Variants in RYR3 observed in about 807,000 individuals in gnomAD.
RYR3 encodes brain ryanodine receptor-calcium release channel.
In RYR3, 207 loss-of-function variants were observed where a neutral mutation model predicts 584.3. The observed-to-expected ratio is 0.35, with a 90% CI of 0.32 to 0.40. The LOEUF is 0.40. RYR3 is among the 10% of genes least tolerant of loss of function. RYR3 has a pLI of 1.00. For synonymous variants in RYR3, 2,416 were observed against 2,248.5 expected (o/e 1.07, Z -2.11); for missense variants, 5,616 against 6,089.2 (o/e 0.92, Z 2.59).
rs769516290 is a variant in RYR3, at chr15:33,837,652, T to C, written c.11672T>C (p.Ile3891Thr). ...ACAGGGAATGTGGTAAATGGCACCA[T>C]TGGCAAGCAGATGGTTGACACACTG... The part of the protein sequence containing the change: ...LLEGNVVNGT[I>T]GKQMVDTLVE... The change falls in exon 89 of 104, where the codon ATT (isoleucine) becomes ACT (threonine). Residue 3891 changes from isoleucine to threonine, a missense_variant. Ile to Thr is a moderately conservative substitution (Grantham distance 89). Coordinates refer to ENST00000634891, the MANE Select transcript of RYR3 (RefSeq NM_001036.6). 12 of 1,596,480 alleles carry C rather than the reference T, an allele frequency of 7.5e-6. No homozygotes were observed. The highest frequency in any genetic ancestry group is 5.4e-5 in the African/African-American group (4 of 74,492).
intron 102 of RYR3, among the ~76,000 whole-genome samples, chr15:33,862,298 C>T (rs1407647856): frequency 1.3e-5 from 2 of 152,166 alleles, no homozygotes; most frequent in East Asian, 1.9e-4. Context: ...CTGCAACCTC[C>T]ACCTCCCAGG....
At chr15:33,861,627 T>C (rs117167424) in intron 102 of RYR3, among the ~76,000 whole-genome samples, 4,935 of 152,252 alleles carry the variant, frequency 0.032, 158 homozygotes, top group Non-Finnish European at 0.039. Context: ...CATTCTCCTG[T>C]GAACCTCCTA....
At chr15:33,422,239 TA>T (rs1193765429) in intron 1 of RYR3, among the ~76,000 whole-genome samples, 1 of 152,156 alleles carries the variant, frequency 6.6e-6, no homozygotes, top group Non-Finnish European at 1.5e-5. Context: ...TATTCATACT[TA>T]AACTTGGTGT....
intron 66 of RYR3, 68 bp from the exon 67 acceptor site, chr15:33,788,150 G>T: frequency 6.3e-7 from 1 of 1,598,982 alleles, no homozygotes; most frequent in Non-Finnish European, 8.5e-7. Flanking sequence ...TCACCTTTCA[G>T]TCATGTCTTT....
intron 64 of RYR3, among the ~76,000 whole-genome samples, chr15:33,776,887 A>G (rs2074029013): frequency 6.6e-6 from 1 of 152,256 alleles, no homozygotes; most frequent in Non-Finnish European, 1.5e-5. Context: ...ATTAGGATGT[A>G]ACAAAAACTG....
intron 36 of RYR3, among the ~76,000 whole-genome samples, chr15:33,667,932 G>A (rs540450018): frequency 2.6e-5 from 4 of 151,908 alleles, no homozygotes; most frequent in East Asian, 3.9e-4. Context: ...GTGCGGTGGT[G>A]CGCACCTGTA....
chr15:33,474,433 G>A, intron 2 of RYR3, among the ~76,000 whole-genome samples: 1 of 152,184 alleles, frequency 6.6e-6, no homozygotes, highest in Non-Finnish European at 1.5e-5. Context: ...GTCATCTTGA[G>A]GTAGAGTTCC....
chr15:33,357,001 AG>A (rs1006463047), intron 1 of RYR3, among the ~76,000 whole-genome samples: 1 of 152,124 alleles, frequency 6.6e-6, no homozygotes, highest in African/African-American at 2.4e-5. Context: ...TTCTCTTGGA[AG>A]GGTCTTTAGG....
rs752948099 is a variant in RYR3, at chr15:33,838,869, G to C, written c.12889G>C (p.Glu4297Gln). 1.3e-5 allele frequency: 21 copies of C among 1,613,876 alleles called. No individual in the cohort carries two copies. The highest frequency in any genetic ancestry group is 8.3e-5 in the Admixed American group (5 of 60,002). Reference sequence around the variant, plus strand: ...AGAGGGCAGCTTAAAGCATGGGCCTGAAGTGGGTTTGGGTGACCTCTCAGA... The same window carrying C: ...AGAGGGCAGCTTAAAGCATGGGCCTCAAGTGGGTTTGGGTGACCTCTCAGA... ...KKEGSLKHGP[E>Q]VGLGDLSEII... The change falls in exon 89 of 104, where the codon GAA becomes CAA. Residue 4297 changes from glutamate to glutamine, a missense_variant. Transcript: ENST00000634891.
intron 2 of RYR3, among the ~76,000 whole-genome samples, chr15:33,499,426 C>G (rs962301021): frequency 6.6e-6 from 1 of 152,050 alleles, no homozygotes; most frequent in Non-Finnish European, 1.5e-5. Context: ...TTGTCTCATA[C>G]TTCAAAAATT....
chr15:33,397,904 C>A (rs1273568320), intron 1 of RYR3, among the ~76,000 whole-genome samples: 1 of 152,158 alleles, frequency 6.6e-6, no homozygotes, highest in Admixed American at 6.5e-5. Flanking sequence ...GATCTCCCAT[C>A]CCATCATGGC....
chr15:33,375,753 A>G (rs2040677461), intron 1 of RYR3, among the ~76,000 whole-genome samples: 1 of 152,236 alleles, frequency 6.6e-6, no homozygotes, highest in African/African-American at 2.4e-5. Context: ...CTGTGTAACC[A>G]CCAATGAAAT....
At position 33,652,823 on chromosome 15, in the gene RYR3, T is replaced by A. The variant is rs749073805; in HGVS notation, c.4248T>A (p.Asp1416Glu). Residue 1416 changes from aspartate (D) to glutamate (E), a missense_variant, in exon 32 of 104, where the codon GAT becomes GAA. Physicochemically the swap from Asp to Glu is conservative, Grantham distance 45. Transcript: ENST00000634891. ...ACCTGGAGATCGGCTGTCTCGTGGA[T>A]CTGGCCATGGGCATGTTGTCCTTCT... ...NVDLEIGCLV[D>E]LAMGMLSFSA... 3 of 1,613,922 alleles carry A rather than the reference T, an allele frequency of 1.9e-6. No individual in the cohort carries two copies. In the South Asian group the frequency reaches 3.3e-5, roughly 18 times the overall value.
Position 33,838,712 on chromosome 15 carries a change from T to A in RYR3, c.12732T>A (p.His4244Gln). Residue 4244 changes from histidine (H) to glutamine (Q), a missense_variant, in exon 89 of 104, where the codon CAT (histidine) becomes CAA (glutamine). By Grantham distance (24) the His-to-Gln change is conservative (BLOSUM62 0). Transcript: ENST00000634891. ...CTGACCCAACCCAATTTGGTATCCA[T>A]GATGACACTATGGAGGCTGAGAGGG... is the stretch of plus-strand genomic sequence containing the variant. ...DMPDPTQFGI[H>Q]DDTMEAERAE... 6.2e-7 allele frequency: 1 copy of A among 1,613,870 alleles called. No individual in the cohort carries two copies. Among genetic ancestry groups the A allele is most frequent in the Admixed American group, 1.7e-5 (1 of 60,010 alleles).
intron 2 of RYR3, among the ~76,000 whole-genome samples, chr15:33,485,146 T>G (rs1247796662): frequency 6.6e-6 from 1 of 152,110 alleles, no homozygotes. Flanking sequence ...AGAAGGAATA[T>G]AGTCATAGGG....
rs535761176 is a variant in RYR3, at chr15:33,864,990, G to A, written c.14518-141G>A. On this transcript the variant is annotated intron_variant, in intron 103 of 103. Transcript: ENST00000634891. ...TCCCAAACAGCCTGTGCTGGGAATAGAGCAAGAATGAATGTGCAGGTTTGG... is the reference window on the plus strand; with the variant it reads ...TCCCAAACAGCCTGTGCTGGGAATAAAGCAAGAATGAATGTGCAGGTTTGG... 12 of 621,256 alleles carry A rather than the reference G, an allele frequency of 1.9e-5. No individual in the cohort carries two copies. The Admixed American group carries it at 2.8e-4, about 15-fold the overall frequency. 38.5% of individuals were successfully genotyped at this position (621,256 alleles called of 1,614,324 possible).
At chr15:33,464,373 C>G (rs1596257114) in intron 1 of RYR3, among the ~76,000 whole-genome samples, 1 of 149,498 alleles carries the variant, frequency 6.7e-6, no homozygotes, top group Non-Finnish European at 1.5e-5. Context: ...GAGGATAATG[C>G]TTCAAAAACT....
At chr15:33,625,402 T>C (rs2060934890) in intron 20 of RYR3, among the ~76,000 whole-genome samples, 1 of 152,148 alleles carries the variant, frequency 6.6e-6, no homozygotes, top group Non-Finnish European at 1.5e-5. Flanking sequence ...AGTACCTTAA[T>C]GGGGAATGAG....
chr15:33,429,384 C>T (rs2044924994), intron 1 of RYR3, among the ~76,000 whole-genome samples: 1 of 152,186 alleles, frequency 6.6e-6, no homozygotes, highest in Non-Finnish European at 1.5e-5. Context: ...TTCTAGACTA[C>T]CTTCCTTGTA....
Sources: gnomAD v4.1 joint callset for allele counts (sites outside exome capture counted in the v4.1 genomes callset) on GRCh38, gnomAD v4.1.1 for gene constraint, MANE v1.5 for transcripts, NCBI Gene and HGNC (gene_info 2026-07-23, HGNC 2026-07-21) for gene names.